ARMC8: variants seen among roughly 807,000 people sequenced by gnomAD.
The protein encoded by ARMC8 is armadillo repeat-containing protein 8.
Under a neutral mutation model 99.3 loss-of-function variants are expected in ARMC8, and 20 were observed. The ratio of observed to expected loss-of-function variants is 0.20; its 90% CI spans 0.14 to 0.29. ARMC8 has a LOEUF of 0.29. Among genes scored for constraint, ARMC8 ranks in the 10% least tolerant of loss-of-function variants. The pLI is 1.00. For missense variants in ARMC8, 569 were observed against 809.5 expected, an observed-to-expected ratio of 0.70 and a Z score of 3.60; for synonymous variants, 263 against 278.3, an observed-to-expected ratio of 0.95 and a Z score of 0.55.
chr3:138,239,585 C>G, intron 10 of ARMC8, 57 bp downstream of exon 10: 1 of 1,133,710 alleles, frequency 8.8e-7, no homozygotes, highest in Non-Finnish European at 1.3e-6. Context: ...TGTTAAATAT[C>G]AGTATTGATA....
intron 7 of ARMC8, among the ~76,000 whole-genome samples, chr3:138,236,707 G>T (rs937817761): frequency 1.3e-5 from 2 of 150,858 alleles, no homozygotes; most frequent in East Asian, 1.9e-4. Flanking sequence ...TAGAAGTGAG[G>T]ATTAGATTGG....
Position 138,274,546 on chromosome 3 carries a change from T to TA in ARMC8, c.1725+3dup. On this transcript the variant is annotated splice_region_variant and intron_variant, in intron 18 of 21. Coordinates refer to ENST00000469044, the MANE Select transcript of ARMC8 (RefSeq NM_001363941.2). ...CATAACATTGAGGTCAAAGAGCAGG[T>TA]ACGTTGTTCCTTTCTCTTGGGGAAT... 1 of 1,604,262 alleles carries TA rather than the reference T, an allele frequency of 6.2e-7. No individual in the cohort carries two copies. The highest frequency in any genetic ancestry group is 1.1e-5 in the South Asian group (1 of 90,444).
chr3:138,237,776 C>T (rs576477293), intron 9 of ARMC8, among the ~76,000 whole-genome samples: 40 of 152,230 alleles, frequency 2.6e-4, no homozygotes, highest in South Asian at 6.2e-4. Flanking sequence ...AGAACAGGAA[C>T]TCTCGTATAA....
chr3:138,206,582 G>T (rs924362456), intron 1 of ARMC8, among the ~76,000 whole-genome samples: 1 of 152,092 alleles, frequency 6.6e-6, no homozygotes, highest in Non-Finnish European at 1.5e-5. Context: ...TTAGGACTTC[G>T]CTCAAATGTC....
rs989365840 is a variant in ARMC8 at position 138,295,849 on chromosome 3, G to A, written c.1989-10G>A. ...TGAGATGATGGCTAACAGGAATTTT[G>A]TGATTTCAGGGCAAAGATGGCACTG... On this transcript the variant is annotated splice_polypyrimidine_tract_variant and intron_variant, in intron 21 of 21. Coordinates refer to ENST00000469044, the MANE Select transcript of ARMC8 (RefSeq NM_001363941.2). 1.2e-6 allele frequency: 2 copies of A among 1,613,350 alleles called. No homozygotes were observed. The highest frequency in any genetic ancestry group is 1.3e-5 in the African/African-American group (1 of 74,920).
intron 9 of ARMC8, chr3:138,238,790 T>C (rs2046462184): frequency 6.6e-6 from 1 of 152,294 alleles, no homozygotes; most frequent in Non-Finnish European, 1.5e-5. Flanking sequence ...TTAATTTTTT[T>C]CCCCCATCTT....
intron 19 of ARMC8, among the ~76,000 whole-genome samples, chr3:138,286,180 T>A (rs1318935517): frequency 6.6e-6 from 1 of 152,188 alleles, no homozygotes; most frequent in East Asian, 1.9e-4. Context: ...TGATCTCAAA[T>A]GATCCACCTG....
At chr3:138,192,275 CTTTTTTTTTTT>C (rs372563436) in intron 1 of ARMC8, among the ~76,000 whole-genome samples, 78 of 130,682 alleles carry the variant, frequency 6.0e-4, no homozygotes, top group Non-Finnish European at 9.8e-4. Flanking sequence ...TTTATTTATC[CTTTTTTTTTTT>C]TTTTTTTTTG....
intron 9 of ARMC8, 21 bp downstream of exon 9, chr3:138,237,593 G>A: frequency 6.3e-7 from 1 of 1,595,450 alleles, no homozygotes; most frequent in Non-Finnish European, 8.6e-7. Context: ...GGACAATGTG[G>A]GAAGAAAGAC....
At chr3:138,195,940 G>A (rs1462074224) in intron 1 of ARMC8, among the ~76,000 whole-genome samples, 1 of 151,716 alleles carries the variant, frequency 6.6e-6, no homozygotes, top group Non-Finnish European at 1.5e-5. Context: ...TATTCATAAT[G>A]TAGGTATTAG....
chr3:138,233,514 T>C (rs554276541), intron 6 of ARMC8, among the ~76,000 whole-genome samples: 2 of 152,238 alleles, frequency 1.3e-5, no homozygotes, highest in African/African-American at 2.4e-5. Context: ...TGTATTGTGA[T>C]TAAAAATAAG....
In ARMC8 at chr3:138,188,199, C is replaced by T. The variant is rs531501558; in HGVS notation, c.45+600C>T. The T allele has an allele frequency of 4.7e-5, 16 of 343,062 alleles. No homozygotes were observed. In the South Asian group the frequency reaches 7.0e-4, roughly 15 times the overall value. The allele number at this position is 343,062 out of a possible 1,614,324, so 21.3% of individuals were successfully genotyped here. A position where few individuals can be genotyped will look rare whatever the true frequency, so the allele number is the denominator to read the frequency against. On this transcript the variant is annotated intron_variant, in intron 1 of 21. Coordinates refer to ENST00000469044, the MANE Select transcript of ARMC8 (RefSeq NM_001363941.2). The stretch of plus-strand genomic sequence containing the variant: ...CTAGTGTGTGTGGTTTTTTAAGCCC[C>T]TTTCCTCCGCTCTGCTCAGAGGTCG...
At chr3:138,240,014 T>G (rs1334832109) in intron 10 of ARMC8, among the ~76,000 whole-genome samples, 1 of 152,058 alleles carries the variant, frequency 6.6e-6, no homozygotes, top group Admixed American at 6.6e-5. Context: ...CAACTTGAAT[T>G]TAGAAAAACC....
chr3:138,260,252 A>G (rs78340481), intron 12 of ARMC8, among the ~76,000 whole-genome samples: 2 of 152,104 alleles, frequency 1.3e-5, no homozygotes, highest in Non-Finnish European at 2.9e-5. Flanking sequence ...CTTCTTCCCA[A>G]GTTCCTTCTA....
intron 12 of ARMC8, among the ~76,000 whole-genome samples, chr3:138,255,163 C>T (rs1160859983): frequency 6.6e-6 from 1 of 151,422 alleles, no homozygotes; most frequent in Non-Finnish European, 1.5e-5. Context: ...TCCTCCCACC[C>T]CATGCCTCCC....
At chr3:138,250,199 T>TA (rs1410772635) in intron 12 of ARMC8, among the ~76,000 whole-genome samples, 1 of 152,200 alleles carries the variant, frequency 6.6e-6, no homozygotes, top group Non-Finnish European at 1.5e-5. Flanking sequence ...CAAAGGAAGT[T>TA]ACAACTGCAG....
At chr3:138,255,964 T>C (rs2047380186) in intron 12 of ARMC8, among the ~76,000 whole-genome samples, 2 of 151,970 alleles carry the variant, frequency 1.3e-5, no homozygotes, top group African/African-American at 4.8e-5. Flanking sequence ...AGACTCCATC[T>C]CAAAAAAAGA....
At position 138,198,871 on chromosome 3, in the gene ARMC8, A is replaced by G. The variant is rs2043893543; in HGVS notation, c.46-10946A>G. On this transcript the variant is annotated intron_variant, in intron 1 of 21. Transcript: ENST00000469044. ...TTTGATAAGCACTGATTAATTTACT[A>G]TTTATTTTTGATAACGTGAAGTCTG... is the stretch of plus-strand genomic sequence containing the variant. Among the ~76,000 whole-genome samples the G allele has an allele frequency of 2.0e-5, 3 of 151,980 alleles. No individual in the cohort carries two copies. In the South Asian group the frequency reaches 6.2e-4, roughly 32 times the overall value.
chr3:138,223,683 C>T lies in ARMC8; in HGVS notation c.385C>T (p.Leu129=). ...LKFIEACLRC[L]RTIFTSPVTP... ...GTTTATTGAAGCTTGCCTCCGATGC[C>T]TGCGTACCATCTTCACCAGTCCTGT... Residue 129 remains leucine (L), a synonymous_variant, in exon 5 of 22, where the codon CTG becomes TTG. Coordinates refer to ENST00000469044, the MANE Select transcript of ARMC8 (RefSeq NM_001363941.2). 1 of 1,614,204 alleles carries T rather than the reference C, an allele frequency of 6.2e-7. No individual in the cohort carries two copies. The highest frequency in any genetic ancestry group is 8.5e-7 in the Non-Finnish European group (1 of 1,180,042).
Sources: allele counts gnomAD v4.1 joint callset (sites outside exome capture counted in the v4.1 genomes callset), GRCh38; gene constraint gnomAD v4.1.1; transcripts MANE v1.5; gene names NCBI Gene and HGNC (gene_info 2026-07-23, HGNC 2026-07-21).